SCYL3: variants seen among roughly 807,000 people sequenced by gnomAD.
SCYL3 encodes protein-associating with the carboxyl-terminal domain of ezrin.
Under a neutral mutation model 73.8 loss-of-function variants are expected in SCYL3, and 35 were observed. That is an observed-to-expected ratio of 0.47 (90% CI 0.36 to 0.63). SCYL3 has a LOEUF of 0.63. Among genes scored for constraint, SCYL3 ranks in the 20% least tolerant of loss-of-function variants. The pLI is 0.00. For synonymous variants in SCYL3, 277 were observed against 295.2 expected, an observed-to-expected ratio of 0.94 and a Z score of 0.63; for missense variants, 712 against 798.9, an observed-to-expected ratio of 0.89 and a Z score of 1.31.
intron 8 of SCYL3, among the ~76,000 whole-genome samples, chr1:169,865,097 C>T (rs941296078): frequency 7.9e-5 from 12 of 152,070 alleles, no homozygotes; most frequent in African/African-American, 2.9e-4. Flanking sequence ...CCTTTTTACC[C>T]TAAGAAGACA....
intron 2 of SCYL3, among the ~76,000 whole-genome samples, chr1:169,883,868 G>A (rs1346401725): frequency 2.6e-5 from 4 of 151,474 alleles, no homozygotes; most frequent in Admixed American, 6.6e-5. Flanking sequence ...ACAGGCGCCC[G>A]CTACCACACC....
chr1:169,851,822 G>A lies in SCYL3; in HGVS notation c.*1891C>T, dbSNP rs770167192. The A allele has an allele frequency of 4.3e-6, 7 of 1,613,854 alleles. No individual in the cohort carries two copies. In the Admixed American group the frequency reaches 1.2e-4, roughly 27 times the overall value. On this transcript the variant is annotated 3_prime_UTR_variant, in exon 13 of 13. Coordinates refer to ENST00000367771, the MANE Select transcript of SCYL3 (RefSeq NM_020423.7). ...TTTTTCATGGTCCCTGGCAGACTGG[G>A]TTTGTAGATGAAACTGAAGCTGCCA...
chr1:169,853,817 T>C (rs546146403), intron 12 of SCYL3, 45 bp from the exon 13 acceptor site: 13 of 1,588,404 alleles, frequency 8.2e-6, no homozygotes, highest in East Asian at 2.2e-5. Flanking sequence ...AAACAAATCA[T>C]ATGCAAAAAT....
rs1299625783 is a variant in SCYL3 at position 169,882,837 on chromosome 1, G to A, written c.166-4018C>T. ...TGTGTCTAGCTCAGGGATTGTAAAC[G>A]CACAAATCAGCGCCCTGTCAAAACA... is the stretch of plus-strand genomic sequence containing the variant. On this transcript the variant is annotated intron_variant, in intron 2 of 12. Transcript: ENST00000367771. Among the ~76,000 whole-genome samples the A allele has an allele frequency of 2.6e-5, 4 of 152,000 alleles. No individual in the cohort carries two copies. The South Asian group carries it at 6.2e-4, about 24-fold the overall frequency.
At chr1:169,856,427 A>G (rs1375211090) in intron 11 of SCYL3, among the ~76,000 whole-genome samples, 1 of 152,240 alleles carries the variant, frequency 6.6e-6, no homozygotes, top group East Asian at 1.9e-4. Context: ...TGGGGAAAAA[A>G]TTAGTTTCAA....
At position 169,873,938 on chromosome 1, in the gene SCYL3, C is replaced by T. The variant is rs112553069; in HGVS notation, c.466-186G>A. ...TTAAAAATGCAAATAAAGTACCTGG[C>T]ACAGCACAAGGCACAGTAATAAATG... On this transcript the variant is annotated intron_variant, in intron 4 of 12. Transcript: ENST00000367771. 3.5e-3 allele frequency among the ~76,000 whole-genome samples: 538 copies of T among 152,294 alleles called. 4 individuals are homozygous for T. The highest frequency in any genetic ancestry group is 0.012 in the African/African-American group (498 of 41,540).
In SCYL3 at chr1:169,854,700, G is replaced by A. The variant is rs1202703864; in HGVS notation, c.1577C>T (p.Thr526Ile). ...WDDCEPSSLDTKVNPGGGITA... is the reference protein window; with the variant it reads ...WDDCEPSSLDIKVNPGGGITA... The stretch of plus-strand genomic sequence containing the variant: ...GATTCCACCTCCTGGGTTTACTTTA[G>A]TATCTAAGCTGCTGGGCTCGCAGTC... The change falls in exon 12 of 13, where the codon ACT becomes ATT. Residue 526 changes from threonine to isoleucine, a missense_variant. Thr to Ile is a moderately conservative substitution (Grantham distance 89). Transcript: ENST00000367771. The A allele has an allele frequency of 5.0e-6, 8 of 1,614,036 alleles. No homozygotes were observed. The Admixed American group carries it at 1.3e-4, about 27-fold the overall frequency.
intron 11 of SCYL3, among the ~76,000 whole-genome samples, chr1:169,857,398 TA>T (rs1247567976): frequency 2.6e-5 from 4 of 152,252 alleles, no homozygotes; most frequent in Non-Finnish European, 5.9e-5. Context: ...TGGTTACTTA[TA>T]ATACCTTTAT....
chr1:169,879,964 T>C (rs1488275225), intron 2 of SCYL3, among the ~76,000 whole-genome samples: 1 of 151,806 alleles, frequency 6.6e-6, no homozygotes, highest in African/African-American at 2.4e-5. Context: ...GAATAAAAAA[T>C]GTTTTAAAAA....
rs4656724 is a variant in SCYL3 at position 169,852,347 on chromosome 1, T to C, written c.*1366A>G. On this transcript the variant is annotated 3_prime_UTR_variant, in exon 13 of 13. Transcript: ENST00000367771. Reference sequence around the variant, plus strand: ...CACATCTACTTATTAAAAGGCAGAATTTGACACCAATAAGGATATTCAAAA... The same window carrying C: ...CACATCTACTTATTAAAAGGCAGAACTTGACACCAATAAGGATATTCAAAA... 0.63 allele frequency: 170,770 copies of C among 271,696 alleles called. 54,718 individuals carry two copies. The highest frequency in any genetic ancestry group is 0.75 in the Middle Eastern group (542 of 720). The allele number at this position is 271,696 out of a possible 1,614,324, so 16.8% of individuals were successfully genotyped here.
chr1:169,858,499 A>C (rs1198997922), intron 11 of SCYL3, among the ~76,000 whole-genome samples: 6 of 152,244 alleles, frequency 3.9e-5, no homozygotes, highest in Non-Finnish European at 8.8e-5. Flanking sequence ...CTTTTTAATA[A>C]GCAGAAGGAA....
chr1:169,857,171 CAA>C (rs1302953665), intron 11 of SCYL3, among the ~76,000 whole-genome samples: 1 of 152,108 alleles, frequency 6.6e-6, no homozygotes, highest in African/African-American at 2.4e-5. Context: ...CATAGGCCAA[CAA>C]AAGTCACAAG....
At chr1:169,853,986 T>A (rs1377794822) in intron 12 of SCYL3, 2 of 624,174 alleles carry the variant, frequency 3.2e-6, no homozygotes, top group Non-Finnish European at 5.5e-6. Context: ...AACCATAAAA[T>A]CCAGTAAAAA....
chr1:169,877,467 C>G (rs1359255252), intron 3 of SCYL3, among the ~76,000 whole-genome samples: 1 of 152,128 alleles, frequency 6.6e-6, no homozygotes. Flanking sequence ...CAAAAGAGCA[C>G]TTTAAATATT....
chr1:169,869,555 T>G (rs1660252317), intron 6 of SCYL3, among the ~76,000 whole-genome samples: 2 of 152,218 alleles, frequency 1.3e-5, no homozygotes, highest in African/African-American at 4.8e-5. Flanking sequence ...GAACACTGCA[T>G]AAGCCTGGCA....
chr1:169,889,404 G>C (rs1021034782), intron 1 of SCYL3, among the ~76,000 whole-genome samples: 10 of 152,004 alleles, frequency 6.6e-5, no homozygotes, highest in Non-Finnish European at 1.2e-4. Context: ...ATTAACAAAT[G>C]AAGAGCTCAT....
At chr1:169,861,926 C>T (rs1659676915) in intron 10 of SCYL3, among the ~76,000 whole-genome samples, 1 of 151,998 alleles carries the variant, frequency 6.6e-6, no homozygotes, top group African/African-American at 2.4e-5. Flanking sequence ...GTAAGAAGGC[C>T]ACGTGACAAC....
chr1:169,891,035 G>T (rs1283255543), intron 1 of SCYL3, among the ~76,000 whole-genome samples: 3 of 152,188 alleles, frequency 2.0e-5, no homozygotes, highest in Non-Finnish European at 4.4e-5. Flanking sequence ...CTGGGCCAAA[G>T]GGCGGTTAAT....
At chr1:169,864,675 C>T (rs1034768508) in intron 8 of SCYL3, among the ~76,000 whole-genome samples, 167 bp from the exon 9 acceptor site, 12 of 152,040 alleles carry the variant, frequency 7.9e-5, no homozygotes, top group Admixed American at 5.2e-4. Flanking sequence ...AAGAAAAATG[C>T]GTGGCTGGGT....
Sources: allele counts gnomAD v4.1 joint callset (sites outside exome capture counted in the v4.1 genomes callset), GRCh38; gene constraint gnomAD v4.1.1; transcripts MANE v1.5; gene names NCBI Gene and HGNC (gene_info 2026-07-23, HGNC 2026-07-21).